Variants in GRIN2B observed in about 807,000 individuals in gnomAD.
GRIN2B encodes glutamate receptor ionotropic, NMDA 2B.
In GRIN2B, 5 loss-of-function variants were observed where a neutral mutation model predicts 114.5. That is an observed-to-expected ratio of 0.04 (90% CI 0.02 to 0.09). The LOEUF (loss-of-function observed/expected upper bound fraction) is 0.09, where lower values mean the gene tolerates loss of function less well. Ranked by LOEUF, GRIN2B falls within the 10% of genes least tolerant of loss-of-function variation. GRIN2B has a pLI of 1.00. For missense variants in GRIN2B, 1,108 were observed against 1,943.5 expected (o/e 0.57, Z 8.08); for synonymous variants, 787 against 745.1 (o/e 1.06, Z -0.92).
At chr12:13,976,957 C>A (rs56774902) in intron 2 of GRIN2B, among the ~76,000 whole-genome samples, 3,511 of 152,248 alleles carry the variant, frequency 0.023, 143 homozygotes, top group African/African-American at 0.08. Flanking sequence ...CTGCCTCTCC[C>A]CACACAAGAC....
chr12:13,929,135 C>A (rs913847709), intron 2 of GRIN2B, among the ~76,000 whole-genome samples: 1 of 152,146 alleles, frequency 6.6e-6, no homozygotes, highest in Non-Finnish European at 1.5e-5. Flanking sequence ...TTTATAGATA[C>A]TTAAATAACC....
chr12:13,947,759 T>G (rs949179907), intron 2 of GRIN2B, among the ~76,000 whole-genome samples: 1 of 152,134 alleles, frequency 6.6e-6, no homozygotes, highest in African/African-American at 2.4e-5. Context: ...GTCCAAATCT[T>G]CCAGTGATGA....
At position 13,547,975 on chromosome 12, in the gene GRIN2B, A is replaced by ATTTTTTTTTT. The variant is rs1323847688; in HGVS notation, c.*14807_*14808insAAAAAAAAAA. 4.0e-5 allele frequency: 2 copies of ATTTTTTTTTT among 49,856 alleles called. No homozygotes were observed. Among genetic ancestry groups the ATTTTTTTTTT allele is most frequent in the Non-Finnish European group, 8.7e-5 (2 of 22,954 alleles). The allele number at this position is 49,856 out of a possible 1,614,324, so 3.1% of individuals were successfully genotyped here. A position where few individuals can be genotyped will look rare whatever the true frequency, so the allele number is the denominator to read the frequency against. On this transcript the variant is annotated 3_prime_UTR_variant, in exon 14 of 14. Coordinates refer to ENST00000609686, the MANE Select transcript of GRIN2B (RefSeq NM_000834.5). ...TATGTGTGTGTATATATATATATAT[A>ATTTTTTTTTT]TATATATTTTTTTTTTTTTTCTGAA...
intron 3 of GRIN2B, among the ~76,000 whole-genome samples, chr12:13,788,933 TGGA>T (rs944172312): frequency 1.3e-5 from 2 of 152,128 alleles, no homozygotes; most frequent in Non-Finnish European, 2.9e-5. Flanking sequence ...AAACTGGCAA[TGGA>T]GATACAAAGC....
chr12:13,656,052 C>T (rs1176004893), intron 5 of GRIN2B, among the ~76,000 whole-genome samples: 1 of 151,328 alleles, frequency 6.6e-6, no homozygotes, highest in East Asian at 1.9e-4. Flanking sequence ...TCTCTTGCTT[C>T]TCTGCCTGTC....
intron 4 of GRIN2B, among the ~76,000 whole-genome samples, chr12:13,714,683 C>G (rs1028062418): frequency 6.6e-6 from 1 of 151,720 alleles, no homozygotes; most frequent in Non-Finnish European, 1.5e-5. Context: ...AATAAGAAAG[C>G]CTGAGAAGGT....
chr12:13,945,828 C>G (rs1180055874), intron 2 of GRIN2B, among the ~76,000 whole-genome samples: 1 of 152,198 alleles, frequency 6.6e-6, no homozygotes, highest in Non-Finnish European at 1.5e-5. Context: ...TGCAGTCATA[C>G]TTGGAAGTAA....
intron 4 of GRIN2B, among the ~76,000 whole-genome samples, chr12:13,708,416 G>A (rs905847673): frequency 5.9e-5 from 9 of 152,116 alleles, no homozygotes; most frequent in South Asian, 2.1e-4. Context: ...TTTTCCATAC[G>A]AAGATCATTT....
At chr12:13,778,608 T>C (rs1165712302) in intron 3 of GRIN2B, among the ~76,000 whole-genome samples, 1 of 151,826 alleles carries the variant, frequency 6.6e-6, no homozygotes, top group Non-Finnish European at 1.5e-5. Flanking sequence ...GAGAGTTCCT[T>C]ATCTTAACAA....
chr12:13,732,228 A>C (rs540392225), intron 4 of GRIN2B, among the ~76,000 whole-genome samples: 2 of 152,122 alleles, frequency 1.3e-5, no homozygotes, highest in South Asian at 4.1e-4. Context: ...ACATATTTCC[A>C]TGCCAACTCC....
chr12:13,694,033 C>G (rs372110843), intron 4 of GRIN2B, among the ~76,000 whole-genome samples: 5 of 152,032 alleles, frequency 3.3e-5, no homozygotes, highest in African/African-American at 1.2e-4. Flanking sequence ...ACCAGAGGAC[C>G]GAGTCAGCAA....
intron 4 of GRIN2B, among the ~76,000 whole-genome samples, chr12:13,708,992 T>C (rs181706464): frequency 1.1e-4 from 17 of 152,178 alleles, no homozygotes; most frequent in Admixed American, 1.1e-3. Flanking sequence ...AAAGAAGTGA[T>C]TTTTCTTTCA....
At chr12:13,585,054 T>G (rs957687363) in intron 10 of GRIN2B, among the ~76,000 whole-genome samples, 3 of 152,178 alleles carry the variant, frequency 2.0e-5, no homozygotes, top group African/African-American at 4.8e-5. Context: ...GGATTCACCA[T>G]GGAAACTGGG....
intron 3 of GRIN2B, among the ~76,000 whole-genome samples, chr12:13,834,911 C>G (rs904187392): frequency 1.3e-5 from 2 of 152,218 alleles, no homozygotes; most frequent in Non-Finnish European, 2.9e-5. Flanking sequence ...GCGACCCAGG[C>G]ATCTGTATTT....
chr12:13,927,135 A>G (rs369115471), intron 2 of GRIN2B, among the ~76,000 whole-genome samples: 1 of 152,198 alleles, frequency 6.6e-6, no homozygotes, highest in East Asian at 1.9e-4. Context: ...GAAAGAGGAT[A>G]TTGAAAATAT....
At chr12:13,617,041 G>A (rs547171937) in intron 5 of GRIN2B, among the ~76,000 whole-genome samples, 63 of 152,246 alleles carry the variant, frequency 4.1e-4, no homozygotes, top group Admixed American at 1.0e-3. Context: ...TGGAGTTCCC[G>A]CATTATGTGT....
chr12:13,971,013 G>A (rs191680829), intron 2 of GRIN2B, among the ~76,000 whole-genome samples: 7 of 152,318 alleles, frequency 4.6e-5, no homozygotes, highest in East Asian at 1.9e-4. Context: ...CAGAGCTCAC[G>A]GGTGAAACTG....
chr12:13,937,862 A>C (rs145395443), intron 2 of GRIN2B, among the ~76,000 whole-genome samples: 4 of 152,252 alleles, frequency 2.6e-5, no homozygotes, highest in African/African-American at 9.6e-5. Context: ...CCTCCTGCGA[A>C]GTTATTACAC....
chr12:13,814,680 A>G (rs1864786242), intron 3 of GRIN2B, among the ~76,000 whole-genome samples: 1 of 152,240 alleles, frequency 6.6e-6, no homozygotes, highest in Non-Finnish European at 1.5e-5. Context: ...GATGATAGAA[A>G]TGTTTTACAT....
Sources: gnomAD v4.1 joint callset for allele counts (sites outside exome capture counted in the v4.1 genomes callset) on GRCh38, gnomAD v4.1.1 for gene constraint, MANE v1.5 for transcripts, NCBI Gene and HGNC (gene_info 2026-07-23, HGNC 2026-07-21) for gene names.